The following ASTN1 variants were observed in gnomAD, a reference collection of about 807,000 sequenced individuals.
ASTN1 encodes the protein astrotactin 1, also known as astrotactin-1.
ASTN1 carries 41 observed loss-of-function variants against 140.7 expected under a neutral mutation model. The ratio of observed to expected loss-of-function variants is 0.29; its 90% CI spans 0.23 to 0.38. ASTN1 has a LOEUF of 0.38. Among genes scored for constraint, ASTN1 ranks in the 10% least tolerant of loss-of-function variants. The pLI, the probability that ASTN1 is intolerant of heterozygous loss-of-function variation, is 1.00. For synonymous variants in ASTN1, 640 were observed against 652.2 expected, an observed-to-expected ratio of 0.98 and a Z score of 0.29; for missense variants, 1,479 against 1,678.8, an observed-to-expected ratio of 0.88 and a Z score of 2.08.
intron 1 of ASTN1, among the ~76,000 whole-genome samples, chr1:177,114,928 C>G (rs1324759045): frequency 6.6e-6 from 1 of 151,912 alleles, no homozygotes; most frequent in Non-Finnish European, 1.5e-5. Flanking sequence ...GGTTCAAAAG[C>G]AAGAGAGCAT....
At chr1:176,866,102 T>C (rs1668120861) in intron 22 of ASTN1, among the ~76,000 whole-genome samples, 1 of 152,100 alleles carries the variant, frequency 6.6e-6, no homozygotes, top group African/African-American at 2.4e-5. Flanking sequence ...AGAGGGAGGT[T>C]TCAAAGAACA....
At chr1:177,089,501 C>G (rs192891456) in intron 1 of ASTN1, among the ~76,000 whole-genome samples, 14 of 152,252 alleles carry the variant, frequency 9.2e-5, no homozygotes, top group Middle Eastern at 6.8e-3. Flanking sequence ...ATAAGATCAA[C>G]GTTTGCTTCT....
At chr1:176,858,623 A>G (rs1267178035), downstream of ASTN1, among the ~76,000 whole-genome samples, 1 of 152,214 alleles carries the variant, frequency 6.6e-6, no homozygotes, top group Non-Finnish European at 1.5e-5. Context: ...GACAGACGGA[A>G]AATAAAATAA....
At chr1:177,090,420 T>C (rs1679693631) in intron 1 of ASTN1, among the ~76,000 whole-genome samples, 1 of 152,182 alleles carries the variant, frequency 6.6e-6, no homozygotes, top group Admixed American at 6.5e-5. Context: ...CCTTTTATAC[T>C]GTGAGCTTCC....
chr1:177,095,248 C>A (rs1245874989), intron 1 of ASTN1, among the ~76,000 whole-genome samples: 2 of 152,146 alleles, frequency 1.3e-5, no homozygotes, highest in African/African-American at 4.8e-5. Context: ...CTTAGCCTAT[C>A]CATGTTGGAA....
chr1:177,044,349 GT>G (rs1304874426), intron 2 of ASTN1, among the ~76,000 whole-genome samples: 2 of 149,596 alleles, frequency 1.3e-5, no homozygotes, highest in Admixed American at 6.7e-5. Context: ...GTTTTGTTTT[GT>G]TTTTTTGAGG....
chr1:177,123,993 A>G (rs1681523101), intron 1 of ASTN1, among the ~76,000 whole-genome samples: 1 of 152,186 alleles, frequency 6.6e-6, no homozygotes, highest in African/African-American at 2.4e-5. Context: ...AGGGCATTTA[A>G]TTCTGTTCTC....
At chr1:176,924,604 A>C (rs1670876112) in intron 16 of ASTN1, among the ~76,000 whole-genome samples, 1 of 152,172 alleles carries the variant, frequency 6.6e-6, no homozygotes, top group African/African-American at 2.4e-5. Flanking sequence ...TCATTATCAT[A>C]TCCCCAGAGC....
chr1:176,935,843 T>G (rs1671420491), intron 15 of ASTN1, among the ~76,000 whole-genome samples: 1 of 152,142 alleles, frequency 6.6e-6, no homozygotes, highest in Non-Finnish European at 1.5e-5. Flanking sequence ...GTTAAGCTGC[T>G]TTCTGGTTTT....
chr1:176,946,748 C>T (rs1308147291), intron 12 of ASTN1, among the ~76,000 whole-genome samples: 2 of 152,190 alleles, frequency 1.3e-5, no homozygotes, highest in Admixed American at 6.5e-5. Flanking sequence ...AGTGTGAATG[C>T]CATGTGCACC....
At chr1:176,878,039 G>A (rs974725875) in intron 20 of ASTN1, among the ~76,000 whole-genome samples, 3 of 152,160 alleles carry the variant, frequency 2.0e-5, no homozygotes, top group Non-Finnish European at 4.4e-5. Flanking sequence ...GAGCCTGTGT[G>A]CCCCAATACG....
chr1:177,159,640 C>T (rs142614488), intron 1 of ASTN1, among the ~76,000 whole-genome samples: 676 of 152,332 alleles, frequency 4.4e-3, no homozygotes, highest in Non-Finnish European at 6.7e-3. Context: ...AAGCACAAGA[C>T]CACCCAATAC....
intron 8 of ASTN1, among the ~76,000 whole-genome samples, chr1:177,008,173 C>G (rs1000669954): frequency 1.1e-4 from 17 of 152,134 alleles, no homozygotes; most frequent in African/African-American, 3.9e-4. Flanking sequence ...CCTGCTCACC[C>G]AAGGAAGGGT....
intron 16 of ASTN1, among the ~76,000 whole-genome samples, chr1:176,921,027 A>G (rs75352659): frequency 0.011 from 1,624 of 152,320 alleles, 37 homozygotes; most frequent in African/African-American, 0.037. Flanking sequence ...TCTACTTATC[A>G]GTAACAGAGA....
chr1:176,959,100 G>T (rs900467202), intron 9 of ASTN1, among the ~76,000 whole-genome samples: 1 of 143,706 alleles, frequency 7.0e-6, no homozygotes, highest in African/African-American at 2.5e-5. Context: ...ATACAGGGAA[G>T]ATTTTTTTTT....
intron 8 of ASTN1, among the ~76,000 whole-genome samples, chr1:176,975,395 T>G (rs1571592372): frequency 6.6e-6 from 1 of 152,244 alleles, no homozygotes; most frequent in Admixed American, 6.5e-5. Flanking sequence ...ATCCTGGGAT[T>G]TCTCCCACAC....
At chr1:177,029,546 C>T in intron 5 of ASTN1, 88 bp downstream of exon 5, 1 of 1,381,136 alleles carries the variant, frequency 7.2e-7, no homozygotes, top group South Asian at 1.2e-5. Flanking sequence ...CCATAGAGCC[C>T]ACAACCCAAC....
intron 1 of ASTN1, among the ~76,000 whole-genome samples, chr1:177,071,895 C>T (rs1445376712): frequency 3.3e-5 from 5 of 152,058 alleles, no homozygotes; most frequent in African/African-American, 1.2e-4. Flanking sequence ...TCCACAAAGA[C>T]TCAAGCACGT....
intron 8 of ASTN1, among the ~76,000 whole-genome samples, chr1:177,006,286 G>A (rs1209107996): frequency 6.6e-6 from 1 of 152,012 alleles, no homozygotes; most frequent in South Asian, 2.1e-4. Flanking sequence ...ATTGAGGTGG[G>A]GGTTAGTAAA....
Sources: gnomAD v4.1 joint callset for allele counts (sites outside exome capture counted in the v4.1 genomes callset) on GRCh38, gnomAD v4.1.1 for gene constraint, MANE v1.5 for transcripts, NCBI Gene and HGNC (gene_info 2026-07-23, HGNC 2026-07-21) for gene names.